The following GPBP1L1 variants were observed in gnomAD, a reference collection of about 807,000 sequenced individuals.
GPBP1L1 encodes the protein GC-rich promoter binding protein 1 like 1.
In GPBP1L1, 23 loss-of-function variants were observed where a neutral mutation model predicts 52.5. The ratio of observed to expected loss-of-function variants is 0.44; its 90% CI spans 0.32 to 0.62. GPBP1L1 has a LOEUF of 0.62. Ranked by LOEUF, GPBP1L1 falls within the 20% of genes least tolerant of loss-of-function variation. The probability of loss-of-function intolerance (pLI) is 0.06; values close to 1 mark genes in which losing one functional copy is unlikely to be tolerated. For missense variants in GPBP1L1, 596 were observed against 579.3 expected (o/e 1.03, Z -0.30); for synonymous variants, 243 against 203.1 (o/e 1.20, Z -1.67).
chr1:45,667,993 C>A (rs1416859165), intron 2 of GPBP1L1, among the ~76,000 whole-genome samples: 1 of 152,146 alleles, frequency 6.6e-6, no homozygotes, highest in Non-Finnish European at 1.5e-5. Flanking sequence ...CTTGCCTTGG[C>A]CTCCAAGAGT....
At chr1:45,640,102 G>T in intron 8 of GPBP1L1, 108 bp downstream of exon 8, 1 of 776,010 alleles carries the variant, frequency 1.3e-6, no homozygotes. Context: ...GGTACTGAAA[G>T]AATATCTGGT....
chr1:45,642,262 G>A (rs1312152457), intron 7 of GPBP1L1, among the ~76,000 whole-genome samples, 165 bp downstream of exon 7: 1 of 152,136 alleles, frequency 6.6e-6, no homozygotes, highest in Non-Finnish European at 1.5e-5. Flanking sequence ...GGGGTTGGGC[G>A]GTGGGGTAGG....
intron 8 of GPBP1L1, 30 bp from the exon 9 acceptor site, chr1:45,634,266 G>C (rs1486250640): frequency 6.4e-7 from 1 of 1,567,934 alleles, no homozygotes; most frequent in Non-Finnish European, 8.7e-7. Flanking sequence ...AAATCAGTCA[G>C]AACAAGCACA....
rs1404638089 is a variant in GPBP1L1, at chr1:45,634,163, G to A, written c.818C>T (p.Thr273Ile). ...SLSSSRESAF[T>I]SPISVTKPVV... Reference sequence around the variant, plus strand: ...TGGTTTGGTAACAGAGATTGGACTGGTAAAAGCAGACTCCCGGCTAGAGGA... The same window carrying A: ...TGGTTTGGTAACAGAGATTGGACTGATAAAAGCAGACTCCCGGCTAGAGGA... The change falls in exon 9 of 13, where the codon ACC becomes ATC. Residue 273 changes from threonine (T) to isoleucine (I), a missense_variant. By Grantham distance (89) the Thr-to-Ile change is moderately conservative (BLOSUM62 -1). Coordinates refer to ENST00000355105, the MANE Select transcript of GPBP1L1 (RefSeq NM_021639.5). 2 of 1,614,016 alleles carry A rather than the reference G, an allele frequency of 1.2e-6. No homozygotes were observed. The highest frequency in any genetic ancestry group is 1.3e-5 in the African/African-American group (1 of 75,032).
At chr1:45,671,911 GAATGGCAATAAATCTAGATCAA>G (rs1645077515) in intron 2 of GPBP1L1, among the ~76,000 whole-genome samples, 1 of 151,996 alleles carries the variant, frequency 6.6e-6, no homozygotes, top group Non-Finnish European at 1.5e-5. Flanking sequence ...ACATTGCTTG[GAATGGCAATAAATCTAGATCAA>G]AATGGGAGAA....
At chr1:45,634,022 A>T in intron 9 of GPBP1L1, 74 bp downstream of exon 9, 1 of 1,397,784 alleles carries the variant, frequency 7.2e-7, no homozygotes, top group Non-Finnish European at 9.9e-7. Flanking sequence ...ACAGCTATAC[A>T]TATTACACTT....
intron 8 of GPBP1L1, among the ~76,000 whole-genome samples, chr1:45,638,851 C>A (rs1021926301): frequency 6.6e-6 from 1 of 152,112 alleles, no homozygotes. Context: ...AGAATAATTT[C>A]TTCCCGGGTA....
intron 12 of GPBP1L1, among the ~76,000 whole-genome samples, chr1:45,629,122 G>A (rs1268888902): frequency 6.6e-6 from 1 of 152,184 alleles, no homozygotes; most frequent in African/African-American, 2.4e-5. Context: ...CTAAGATCTA[G>A]CAGTGTTTTA....
In GPBP1L1 at chr1:45,633,549, A is replaced by G; in HGVS notation, c.984T>C (p.Thr328=). The change falls in exon 10 of 13, where the codon ACT becomes ACC. Residue 328 remains threonine (T), a synonymous_variant. Transcript: ENST00000355105. ...TTDRKSEFLK[T]LKDDRNGDFS... The stretch of plus-strand genomic sequence containing the variant: ...AGTCTCCATTCCGGTCATCCTTCAG[A>G]GTTTTCAGGAACTCACTCTTCCTGT... 5.6e-6 allele frequency: 9 copies of G among 1,613,918 alleles called. No individual in the cohort carries two copies. The highest frequency in any genetic ancestry group is 7.6e-6 in the Non-Finnish European group (9 of 1,179,982).
chr1:45,684,497 T>C (rs1472152464), intron 2 of GPBP1L1, among the ~76,000 whole-genome samples: 2 of 152,094 alleles, frequency 1.3e-5, no homozygotes, highest in African/African-American at 4.8e-5. Flanking sequence ...TTTAAATGGT[T>C]GAATGTGTCC....
intron 8 of GPBP1L1, among the ~76,000 whole-genome samples, chr1:45,639,479 C>T (rs116316109): frequency 0.013 from 2,034 of 151,648 alleles, 16 homozygotes; most frequent in South Asian, 0.019. Flanking sequence ...ATAATCTCAG[C>T]GCTCTGGGAG....
intron 4 of GPBP1L1, 73 bp from the exon 5 acceptor site, chr1:45,655,392 G>A: frequency 1.3e-6 from 2 of 1,499,132 alleles, no homozygotes; most frequent in Non-Finnish European, 1.8e-6. Flanking sequence ...AATAGGCTTT[G>A]CATCAGGCCT....
intron 4 of GPBP1L1, among the ~76,000 whole-genome samples, chr1:45,658,451 G>A (rs548955259): frequency 3.5e-4 from 53 of 151,854 alleles, no homozygotes; most frequent in African/African-American, 1.3e-3. Flanking sequence ...AAAGCCTTAG[G>A]ATATAATGAA....
Position 45,661,149 on chromosome 1 carries a change from G to C in GPBP1L1, c.-1021C>G, listed in dbSNP as rs1468962474. Reference sequence around the variant, plus strand: ...GATATGAAGAATCTTCTATGCTTTGGTAGAGAAGTCACTTATTATTTTGGA... The same window carrying C: ...GATATGAAGAATCTTCTATGCTTTGCTAGAGAAGTCACTTATTATTTTGGA... On this transcript the variant is annotated 5_prime_UTR_variant, in exon 3 of 13. Transcript: ENST00000355105. 1 of 152,144 alleles carries C rather than the reference G, an allele frequency of 6.6e-6. No individual in the cohort carries two copies. The highest frequency in any genetic ancestry group is 1.5e-5 in the Non-Finnish European group (1 of 68,030). 9.4% of individuals were successfully genotyped at this position (152,144 alleles called of 1,614,324 possible).
chr1:45,675,611 G>A (rs1355955192), intron 2 of GPBP1L1, among the ~76,000 whole-genome samples: 2 of 152,060 alleles, frequency 1.3e-5, no homozygotes, highest in African/African-American at 2.4e-5. Context: ...GCACGATTAC[G>A]GCTCATTACA....
chr1:45,680,570 T>C (rs1286772329), intron 2 of GPBP1L1, among the ~76,000 whole-genome samples: 1 of 152,080 alleles, frequency 6.6e-6, no homozygotes, highest in Non-Finnish European at 1.5e-5. Context: ...AAAAGAATCA[T>C]TTAAAAGCAT....
intron 2 of GPBP1L1, among the ~76,000 whole-genome samples, chr1:45,682,171 C>A (rs1042561633): frequency 2.1e-4 from 32 of 152,148 alleles, no homozygotes; most frequent in Non-Finnish European, 3.8e-4. Context: ...AAAAGCTCTA[C>A]TTTCAAATTA....
At position 45,633,527 on chromosome 1, in the gene GPBP1L1, C is replaced by A; in HGVS notation, c.1006G>T (p.Asp336Tyr). 1 of 1,614,050 alleles carries A rather than the reference C, an allele frequency of 6.2e-7. No homozygotes were observed. Among genetic ancestry groups the A allele is most frequent in the East Asian group, 2.2e-5 (1 of 44,884 alleles). The stretch of plus-strand genomic sequence containing the variant: ...TCACAGTCTCTATTCTCTGAGAAGT[C>A]TCCATTCCGGTCATCCTTCAGAGTT... ...LKTLKDDRNGDFSENRDCDKL... is the reference protein window; with the variant it reads ...LKTLKDDRNGYFSENRDCDKL... The change falls in exon 10 of 13, where the codon GAC becomes TAC. Residue 336 changes from aspartate to tyrosine, a missense_variant. Coordinates refer to ENST00000355105, the MANE Select transcript of GPBP1L1 (RefSeq NM_021639.5).
At chr1:45,685,674 G>C (rs971589979) in intron 1 of GPBP1L1, 54 bp from the exon 2 acceptor site, 1 of 152,204 alleles carries the variant, frequency 6.6e-6, no homozygotes, top group African/African-American at 2.4e-5. Flanking sequence ...CAGGGGAAAG[G>C]ACTAAAATCT....
Sources: gnomAD v4.1 joint callset for allele counts (sites outside exome capture counted in the v4.1 genomes callset) on GRCh38, gnomAD v4.1.1 for gene constraint, MANE v1.5 for transcripts, NCBI Gene and HGNC (gene_info 2026-07-23, HGNC 2026-07-21) for gene names.